FAT3: variants seen among roughly 807,000 people sequenced by gnomAD.
The protein encoded by FAT3 is protocadherin Fat 3.
Under a neutral mutation model 310.2 loss-of-function variants are expected in FAT3, and 95 were observed. The observed-to-expected ratio is 0.31, with a 90% confidence interval of 0.26 to 0.36. The LOEUF (loss-of-function observed/expected upper bound fraction) is 0.36, where lower values mean the gene tolerates loss of function less well. Among genes scored for constraint, FAT3 ranks in the 10% least tolerant of loss-of-function variants. The probability of loss-of-function intolerance (pLI) is 1.00; values close to 1 mark genes in which losing one functional copy is unlikely to be tolerated. For missense variants in FAT3, 5,408 were observed against 5,715.6 expected (o/e 0.95, Z 1.74); for synonymous variants, 2,314 against 2,192.9 (o/e 1.06, Z -1.54).
chr11:92,769,638 A>T (rs1440387523), intron 6 of FAT3, among the ~76,000 whole-genome samples: 1 of 152,214 alleles, frequency 6.6e-6, no homozygotes, highest in Non-Finnish European at 1.5e-5. Context: ...GGAGAAAAAT[A>T]GTTTTCTTTG....
intron 4 of FAT3, among the ~76,000 whole-genome samples, chr11:92,699,382 A>C (rs1053564755): frequency 9.2e-5 from 14 of 152,200 alleles, no homozygotes; most frequent in Non-Finnish European, 4.4e-5. Context: ...AGAAGTAACA[A>C]ATGTTTAAGA....
chr11:92,623,859 C>T (rs962760239), intron 3 of FAT3, among the ~76,000 whole-genome samples: 1 of 152,056 alleles, frequency 6.6e-6, no homozygotes, highest in African/African-American at 2.4e-5. Context: ...AGGAGAATGG[C>T]GTGAACCCGG....
chr11:92,550,255 A>G (rs1429528806), intron 3 of FAT3, among the ~76,000 whole-genome samples: 1 of 152,130 alleles, frequency 6.6e-6, no homozygotes, highest in Non-Finnish European at 1.5e-5. Context: ...ATATATGAGC[A>G]TTGTGTACTG....
rs757821630 is a variant in FAT3 at position 92,843,954 on chromosome 11, C to G, written c.10587C>G (p.Pro3529=). ...TTTAGGCAAAGGATTCAGGCAAACC[C>G]CAGCAAGTTTCTCACACTTACATCC... ...LCVQAKDSGK[P]QQVSHTYIRV... is the part of the protein sequence containing the mutation. The change falls in exon 19 of 28, where the codon CCC becomes CCG. Residue 3529 remains proline, a synonymous_variant. Transcript: ENST00000525166. 5 of 1,606,564 alleles carry G rather than the reference C, an allele frequency of 3.1e-6. No homozygotes were observed. In the South Asian group the frequency reaches 4.4e-5, roughly 14 times the overall value.
chr11:92,559,497 G>C (rs763450808), intron 3 of FAT3: 7 of 369,424 alleles, frequency 1.9e-5, no homozygotes, highest in South Asian at 1.4e-4. Flanking sequence ...GGATACCCCT[G>C]CCTCAGCCTC....
chr11:92,831,529 G>T, intron 13 of FAT3, 93 bp from the exon 14 acceptor site: 1 of 1,040,558 alleles, frequency 9.6e-7, no homozygotes, highest in Non-Finnish European at 1.4e-6. Context: ...TTTTCTTGTT[G>T]TGGCCCTTCA....
At chr11:92,562,492 G>A (rs1209626806) in intron 3 of FAT3, among the ~76,000 whole-genome samples, 1 of 152,164 alleles carries the variant, frequency 6.6e-6, no homozygotes, top group East Asian at 1.9e-4. Flanking sequence ...CTCACAATGT[G>A]TATAGGTCAG....
chr11:92,628,144 C>T (rs1941405373), intron 3 of FAT3, among the ~76,000 whole-genome samples: 1 of 152,162 alleles, frequency 6.6e-6, no homozygotes, highest in South Asian at 2.1e-4. Context: ...GCGACAGGGC[C>T]TTTACTACTG....
At chr11:92,834,779 G>C (rs1948356068) in intron 14 of FAT3, 91 bp from the exon 15 acceptor site, 1 of 1,134,730 alleles carries the variant, frequency 8.8e-7, no homozygotes, top group Non-Finnish European at 1.2e-6. Context: ...TTCTTGGCTG[G>C]AGAGGATGTT....
rs114765937 is a variant in FAT3 at position 92,890,235 on chromosome 11, G to A, written c.13148-256G>A. ...TCAGGGGTCCTGGAACTGTCTCCTC[G>A]GCGTGCCCTCGCTCTTCGTCTCATG... On this transcript the variant is annotated intron_variant, in intron 27 of 27. Coordinates refer to ENST00000525166, the MANE Select transcript of FAT3 (RefSeq NM_001367949.2). Among the ~76,000 whole-genome samples the A allele has an allele frequency of 5.0e-3, 759 of 152,300 alleles. 9 individuals carry two copies. Among genetic ancestry groups the A allele is most frequent in the African/African-American group, 0.017 (690 of 41,564 alleles).
At chr11:92,443,116 T>C (rs1951117025) in intron 2 of FAT3, among the ~76,000 whole-genome samples, 1 of 152,194 alleles carries the variant, frequency 6.6e-6, no homozygotes, top group Non-Finnish European at 1.5e-5. Context: ...TTTCGTGCCT[T>C]ATACTTTTGC....
At chr11:92,464,804 G>A (rs1951721597) in intron 2 of FAT3, among the ~76,000 whole-genome samples, 1 of 152,106 alleles carries the variant, frequency 6.6e-6, no homozygotes, top group Admixed American at 6.6e-5. Flanking sequence ...AGTATTTCTA[G>A]CACATTAAGC....
intron 3 of FAT3, among the ~76,000 whole-genome samples, chr11:92,607,680 T>C (rs1043188531): frequency 2.0e-5 from 3 of 152,222 alleles, no homozygotes; most frequent in African/African-American, 7.2e-5. Context: ...GTGAATACCA[T>C]GTAATTAAAA....
intron 2 of FAT3, among the ~76,000 whole-genome samples, chr11:92,385,600 T>G (rs1456023096): frequency 6.6e-6 from 1 of 151,872 alleles, no homozygotes; most frequent in Non-Finnish European, 1.5e-5. Flanking sequence ...ACTCCTGGCC[T>G]GAGGTGATCC....
rs531827197 is a variant in FAT3 at position 92,248,734 on chromosome 11, T to C, written c.-18+23560T>C. ...AATTCAAACATAAGATTTCAAAACT[T>C]AATATATCAAAATGACACACTCACA... On this transcript the variant is annotated intron_variant, in intron 1 of 27. Coordinates refer to ENST00000525166, the MANE Select transcript of FAT3 (RefSeq NM_001367949.2). Among the ~76,000 whole-genome samples the C allele has an allele frequency of 2.0e-5, 3 of 149,668 alleles. No individual in the cohort carries two copies. In the South Asian group the frequency reaches 6.3e-4, roughly 31 times the overall value.
At chr11:92,629,830 G>T (rs1293933880) in intron 3 of FAT3, among the ~76,000 whole-genome samples, 1 of 152,078 alleles carries the variant, frequency 6.6e-6, no homozygotes, top group Non-Finnish European at 1.5e-5. Context: ...TGTGCCAAGT[G>T]TCTTGAAATA....
At chr11:92,816,776 G>A (rs1481563962) in intron 13 of FAT3, among the ~76,000 whole-genome samples, 1 of 152,146 alleles carries the variant, frequency 6.6e-6, no homozygotes, top group East Asian at 1.9e-4. Flanking sequence ...AGTAGTTCAA[G>A]ACCAGCCTGA....
chr11:92,567,363 A>G (rs1180641792), intron 3 of FAT3, among the ~76,000 whole-genome samples: 31 of 150,404 alleles, frequency 2.1e-4, no homozygotes, highest in African/African-American at 6.7e-4. Context: ...TTAGAATGGC[A>G]ATCATTAAAA....
intron 1 of FAT3, among the ~76,000 whole-genome samples, chr11:92,288,600 T>C (rs1056814551): frequency 6.6e-6 from 1 of 152,154 alleles, no homozygotes; most frequent in Non-Finnish European, 1.5e-5. Flanking sequence ...GATGAATGTA[T>C]GCCTTCTGCA....
Sources: gnomAD v4.1 joint callset for allele counts (sites outside exome capture counted in the v4.1 genomes callset) on GRCh38, gnomAD v4.1.1 for gene constraint, MANE v1.5 for transcripts, NCBI Gene and HGNC (gene_info 2026-07-23, HGNC 2026-07-21) for gene names.